LRRN2: variants seen among roughly 807,000 people sequenced by gnomAD.
LRRN2 encodes the protein leucine rich repeat neuronal 2, also known as leucine-rich repeat neuronal protein 2.
Under a neutral mutation model 35.7 loss-of-function variants are expected in LRRN2, and 10 were observed. The observed-to-expected ratio is 0.28, with a 90% CI of 0.17 to 0.47. The LOEUF (loss-of-function observed/expected upper bound fraction) is 0.47, where lower values mean the gene tolerates loss of function less well. Among genes scored for constraint, LRRN2 ranks in the 20% least tolerant of loss-of-function variants. The pLI, the probability that LRRN2 is intolerant of heterozygous loss-of-function variation, is 0.99. For missense variants in LRRN2, 731 were observed against 940.3 expected (o/e 0.78, Z 2.91); for synonymous variants, 391 against 409.6 (o/e 0.95, Z 0.55).
chr1:204,655,689 G>A (rs993638546), intron 1 of LRRN2, among the ~76,000 whole-genome samples: 2 of 151,794 alleles, frequency 1.3e-5, no homozygotes, highest in African/African-American at 4.8e-5. Flanking sequence ...TTCTCTGCCA[G>A]GCACTGGGAA....
At chr1:204,632,969 C>T (rs1667747583) in intron 1 of LRRN2, among the ~76,000 whole-genome samples, 1 of 152,054 alleles carries the variant, frequency 6.6e-6, no homozygotes, top group Non-Finnish European at 1.5e-5. Flanking sequence ...ATTCACAATC[C>T]TATGTTGCTA....
rs142147358 is a variant in LRRN2 at position 204,663,336 on chromosome 1, T to C, written c.-227+21984A>G. Reference sequence around the variant, plus strand: ...TGAGAAACTTTCCCAACCATTATGCTTGGTTGACTTGGCCGGAAAGGAGTT... The same window carrying C: ...TGAGAAACTTTCCCAACCATTATGCCTGGTTGACTTGGCCGGAAAGGAGTT... On this transcript the variant is annotated intron_variant, in intron 1 of 1. Transcript: ENST00000367177. Among the ~76,000 whole-genome samples, 44 of 152,302 alleles carry C rather than the reference T, an allele frequency of 2.9e-4. 1 individual carries two copies. The East Asian group carries it at 7.9e-3, about 27-fold the overall frequency.
intron 1 of LRRN2, among the ~76,000 whole-genome samples, chr1:204,645,546 T>C (rs911670648): frequency 6.6e-6 from 1 of 152,212 alleles, no homozygotes; most frequent in African/African-American, 2.4e-5. Context: ...GGAATCATCA[T>C]GGCAACTCTC....
chr1:204,662,235 T>A (rs1195447826), intron 1 of LRRN2, among the ~76,000 whole-genome samples: 1 of 152,092 alleles, frequency 6.6e-6, no homozygotes, highest in Admixed American at 6.5e-5. Context: ...TTTGAAAATG[T>A]GGGCAAATGA....
intron 1 of LRRN2, among the ~76,000 whole-genome samples, chr1:204,656,409 T>C (rs1274584387): frequency 6.6e-6 from 1 of 152,250 alleles, no homozygotes; most frequent in East Asian, 1.9e-4. Flanking sequence ...AACATTTTGA[T>C]GCATATCTTT....
At chr1:204,627,386 C>G (rs764221468) in intron 1 of LRRN2, 1 of 152,180 alleles carries the variant, frequency 6.6e-6, no homozygotes, top group Non-Finnish European at 1.5e-5. Flanking sequence ...GGTGAGGCTT[C>G]TTTGTTCATA....
At position 204,617,578 on chromosome 1, in the gene LRRN2, G is replaced by T. The variant is rs1411067097; in HGVS notation, c.*273C>A. On this transcript the variant is annotated 3_prime_UTR_variant, in exon 2 of 2. Transcript: ENST00000367177. ...AGGAGCCTCTGGGCAGAGAGAAGAT[G>T]GGGAGGCAGGAGGCTCTAGCCAAAG... 6.6e-6 allele frequency: 3 copies of T among 455,750 alleles called. No individual in the cohort carries two copies. Among genetic ancestry groups the T allele is most frequent in the Non-Finnish European group, 1.2e-5 (3 of 252,250 alleles). 28.2% of individuals were successfully genotyped at this position (455,750 alleles called of 1,614,324 possible).
At chr1:204,674,272 C>A (rs1668774367) in intron 1 of LRRN2, among the ~76,000 whole-genome samples, 1 of 151,842 alleles carries the variant, frequency 6.6e-6, no homozygotes, top group Non-Finnish European at 1.5e-5. Flanking sequence ...ACCCACCCCC[C>A]ACCACCAACT....
At chr1:204,684,414 T>TG (rs972672433) in intron 1 of LRRN2, among the ~76,000 whole-genome samples, 2 of 152,066 alleles carry the variant, frequency 1.3e-5, no homozygotes, top group Non-Finnish European at 2.9e-5. Flanking sequence ...TTCGTTTGGG[T>TG]GGGGGAGGAA....
At chr1:204,670,022 GT>G (rs1034358331) in intron 1 of LRRN2, among the ~76,000 whole-genome samples, 46 of 150,676 alleles carry the variant, frequency 3.1e-4, no homozygotes, top group Non-Finnish European at 6.4e-4. Context: ...TTTTTTGTTT[GT>G]TTGTTTTTTT....
chr1:204,633,909 A>G (rs1472536443), intron 1 of LRRN2, among the ~76,000 whole-genome samples: 1 of 152,176 alleles, frequency 6.6e-6, no homozygotes, highest in African/African-American at 2.4e-5. Context: ...GCCCTTTCCA[A>G]TCTGGCAGAG....
rs371975742 is a variant in LRRN2 at position 204,655,898 on chromosome 1, T to C, written c.-227+29422A>G. Among the ~76,000 whole-genome samples the C allele has an allele frequency of 1.0e-3, 153 of 152,166 alleles. 1 individual carries two copies. Among genetic ancestry groups the C allele is most frequent in the African/African-American group, 3.5e-3 (146 of 41,508 alleles). The stretch of plus-strand genomic sequence containing the variant: ...GCTCCATATCTTTCCTTCCCTCCCT[T>C]TCCTTCTCTTCTTTTTTCTTTTCTT... On this transcript the variant is annotated intron_variant, in intron 1 of 1. Transcript: ENST00000367177.
At chr1:204,666,334 A>C (rs1668572819) in intron 1 of LRRN2, among the ~76,000 whole-genome samples, 1 of 152,266 alleles carries the variant, frequency 6.6e-6, no homozygotes, top group South Asian at 2.1e-4. Context: ...CCTCACTGGC[A>C]AACATTTATT....
intron 1 of LRRN2, among the ~76,000 whole-genome samples, chr1:204,634,513 G>T (rs1667785017): frequency 2.0e-5 from 3 of 152,100 alleles, no homozygotes; most frequent in Admixed American, 2.0e-4. Context: ...GTTATGGAAG[G>T]CCCTAATTCA....
intron 1 of LRRN2, among the ~76,000 whole-genome samples, chr1:204,657,312 A>G (rs1311800523): frequency 4.9e-5 from 7 of 143,582 alleles, no homozygotes; most frequent in South Asian, 2.3e-4. Flanking sequence ...CTCAAAATAT[A>G]TATCTATGTG....
chr1:204,684,959 C>G (rs1255782417), intron 1 of LRRN2, among the ~76,000 whole-genome samples: 1 of 152,228 alleles, frequency 6.6e-6, no homozygotes, highest in Non-Finnish European at 1.5e-5. Flanking sequence ...CTCCAGGGCC[C>G]CACTCTACCC....
At chr1:204,652,262 C>CCCCCCCCCCG (rs1668246754) in intron 1 of LRRN2, among the ~76,000 whole-genome samples, 1 of 19,840 alleles carries the variant, frequency 5.0e-5, no homozygotes, top group African/African-American at 1.2e-4. Context: ...TCTTCACCGC[C>CCCCCCCCCCG]CCCCCCCCGC....
At chr1:204,665,560 A>G (rs1426839204) in intron 1 of LRRN2, among the ~76,000 whole-genome samples, 1 of 152,220 alleles carries the variant, frequency 6.6e-6, no homozygotes, top group African/African-American at 2.4e-5. Flanking sequence ...TTGATTGGCC[A>G]AAACCATGGG....
At chr1:204,625,658 G>A (rs1049917822) in intron 1 of LRRN2, among the ~76,000 whole-genome samples, 2 of 152,158 alleles carry the variant, frequency 1.3e-5, no homozygotes, top group East Asian at 3.9e-4. Flanking sequence ...GACTTCTATC[G>A]CCGCCAAGCA....
Sources: gnomAD v4.1 joint callset for allele counts (sites outside exome capture counted in the v4.1 genomes callset) on GRCh38, gnomAD v4.1.1 for gene constraint, MANE v1.5 for transcripts, NCBI Gene and HGNC (gene_info 2026-07-23, HGNC 2026-07-21) for gene names.